Variants in EFCAB6 observed in about 807,000 individuals in gnomAD.
EFCAB6 encodes the protein EF-hand calcium binding domain 6.
In EFCAB6, 156 loss-of-function variants were observed where a neutral mutation model predicts 169.8. That is an observed-to-expected ratio of 0.92 (90% CI 0.81 to 1.05). The LOEUF (loss-of-function observed/expected upper bound fraction) is 1.05, where lower values mean the gene tolerates loss of function less well. Ranked by LOEUF, EFCAB6 falls within the 50% of genes least tolerant of loss-of-function variation. The pLI is 0.00. For missense variants in EFCAB6, 1,800 were observed against 1,829.1 expected (o/e 0.98, Z 0.29); for synonymous variants, 698 against 676.4 (o/e 1.03, Z -0.50).
intron 6 of EFCAB6, among the ~76,000 whole-genome samples, chr22:43,749,947 G>A (rs374878719): frequency 7.9e-5 from 12 of 152,222 alleles, no homozygotes; most frequent in African/African-American, 7.2e-5. Context: ...GGAAAGTCTC[G>A]AAAGAGGCAA....
chr22:43,671,954 T>G lies in EFCAB6; in HGVS notation c.1640+19A>C. ...GATGAAAAACACGACATGAATTAAT[T>G]TTGTTACAAAAAACTTACTTTATGA... On this transcript the variant is annotated intron_variant, in intron 15 of 31. Transcript: ENST00000262726. 1 of 1,609,922 alleles carries G rather than the reference T, an allele frequency of 6.2e-7. No individual in the cohort carries two copies. Among genetic ancestry groups the G allele is most frequent in the Non-Finnish European group, 8.5e-7 (1 of 1,178,638 alleles).
intron 10 of EFCAB6, among the ~76,000 whole-genome samples, chr22:43,693,767 G>T (rs544962833): frequency 1.1e-4 from 16 of 151,616 alleles, no homozygotes; most frequent in Non-Finnish European, 1.9e-4. Flanking sequence ...TTTTAAAAAA[G>T]AATAATGAAG....
At chr22:43,693,476 G>C (rs1360015766) in intron 10 of EFCAB6, among the ~76,000 whole-genome samples, 2 of 149,716 alleles carry the variant, frequency 1.3e-5, no homozygotes, top group Non-Finnish European at 3.0e-5. Context: ...TTAAGTAACT[G>C]TCATACTCAA....
In EFCAB6 at chr22:43,540,221, C is replaced by G. The variant is rs773947222; in HGVS notation, c.3785G>C (p.Ser1262Thr). ...GCCTTCCGAGACGTCAGGGACACTG[C>G]TCCCTCTCTGGGCCACGGCCGAGTC... ...TGDSAVAQRG[S>T]SVPDVSEGTR... The change falls in exon 28 of 32, where the codon AGC becomes ACC. Residue 1262 changes from serine (S) to threonine (T), a missense_variant. Physicochemically the swap from Ser to Thr is moderately conservative, Grantham distance 58. Coordinates refer to ENST00000262726, the MANE Select transcript of EFCAB6 (RefSeq NM_022785.4). The G allele has an allele frequency of 3.1e-6, 5 of 1,614,242 alleles. No homozygotes were observed. The East Asian group carries it at 1.1e-4, about 36-fold the overall frequency.
chr22:43,758,833 G>A (rs1042274931), intron 5 of EFCAB6, among the ~76,000 whole-genome samples: 8 of 152,132 alleles, frequency 5.3e-5, no homozygotes, highest in Non-Finnish European at 1.2e-4. Flanking sequence ...TACTTTTTAT[G>A]TCTATAATAT....
chr22:43,580,523 G>C lies in EFCAB6; in HGVS notation c.3169C>G (p.Gln1057Glu). Residue 1057 changes from glutamine (Q) to glutamate (E), a missense_variant, in exon 25 of 32, where the codon CAG (glutamine) becomes GAG (glutamate). Gln to Glu is a conservative substitution (Grantham distance 29, BLOSUM62 2). Transcript: ENST00000262726. ...TCCTGGATCTTCCTCACAGCCTCCT[G>C]TGGATTCAGCGTTGCAAAATTGATT... ...MPINFATLNP[Q>E]EAVRKIQEVV... The C allele has an allele frequency of 6.2e-7, 1 of 1,614,142 alleles. No homozygotes were observed. The highest frequency in any genetic ancestry group is 1.1e-5 in the South Asian group (1 of 91,078).
Position 43,671,938 on chromosome 22 carries a change from CACG to C in EFCAB6, c.1640+32_1640+34del, listed in dbSNP as rs771137261. Reference sequence around the variant, plus strand: ...ATTATGGAACAGGCCTGATGAAAAACACGACATGAATTAATTTTGTTACAAAAA... The same window carrying C: ...ATTATGGAACAGGCCTGATGAAAAACACATGAATTAATTTTGTTACAAAAA... On this transcript the variant is annotated intron_variant, in intron 15 of 31. Transcript: ENST00000262726. 3.7e-6 allele frequency: 6 copies of C among 1,607,076 alleles called. No homozygotes were observed. In the African/African-American group the frequency reaches 8.0e-5, roughly 22 times the overall value.
At chr22:43,634,812 T>A (rs1187728915) in intron 18 of EFCAB6, among the ~76,000 whole-genome samples, 2 of 152,188 alleles carry the variant, frequency 1.3e-5, no homozygotes, top group Non-Finnish European at 2.9e-5. Flanking sequence ...GGGAAAATCT[T>A]AAAGGCCGTG....
chr22:43,784,543 G>GTATATATACACA (rs767229476), intron 2 of EFCAB6, among the ~76,000 whole-genome samples: 1 of 75,484 alleles, frequency 1.3e-5, no homozygotes, highest in Admixed American at 1.7e-4. Context: ...GTGTGTGTGT[G>GTATATATACACA]TATATGTATA....
At chr22:43,659,467 T>C (rs532355635) in intron 17 of EFCAB6, among the ~76,000 whole-genome samples, 2 of 152,280 alleles carry the variant, frequency 1.3e-5, no homozygotes, top group South Asian at 4.2e-4. Context: ...GTGACCAGCC[T>C]GGGCAATATA....
At chr22:43,635,956 G>A (rs2055359820) in intron 17 of EFCAB6, among the ~76,000 whole-genome samples, 1 of 152,218 alleles carries the variant, frequency 6.6e-6, no homozygotes, top group African/African-American at 2.4e-5. Context: ...GTGGATGTGA[G>A]CCACCCACAG....
intron 20 of EFCAB6, among the ~76,000 whole-genome samples, chr22:43,616,933 G>A (rs991119064): frequency 3.9e-5 from 6 of 152,108 alleles, no homozygotes; most frequent in South Asian, 2.1e-4. Context: ...CCTGACTCCC[G>A]CTGCCCTTGA....
At chr22:43,598,310 GGAAAAAAAAA>G (rs1446648471) in intron 23 of EFCAB6, among the ~76,000 whole-genome samples, 4 of 57,664 alleles carry the variant, frequency 6.9e-5, no homozygotes, top group African/African-American at 1.1e-4. Flanking sequence ...ACTGTCTCCG[GGAAAAAAAAA>G]AAAAAAAAAA....
intron 20 of EFCAB6, among the ~76,000 whole-genome samples, chr22:43,623,987 C>T (rs1024736807): frequency 5.3e-5 from 8 of 151,796 alleles, no homozygotes; most frequent in African/African-American, 1.9e-4. Flanking sequence ...GGAGGTGGAA[C>T]AGGGCAGGCT....
intron 6 of EFCAB6, among the ~76,000 whole-genome samples, chr22:43,750,753 A>C (rs1469990452): frequency 6.6e-6 from 1 of 152,216 alleles, no homozygotes; most frequent in African/African-American, 2.4e-5. Flanking sequence ...CTGATTCTTT[A>C]TCCCTTGAAT....
At chr22:43,617,471 G>C (rs2053772195) in intron 20 of EFCAB6, among the ~76,000 whole-genome samples, 2 of 152,200 alleles carry the variant, frequency 1.3e-5, no homozygotes, top group African/African-American at 4.8e-5. Context: ...TATAAGGCTT[G>C]ATTATTTCCT....
chr22:43,713,958 T>C (rs1603266305), intron 9 of EFCAB6, among the ~76,000 whole-genome samples: 1 of 151,974 alleles, frequency 6.6e-6, no homozygotes, highest in East Asian at 1.9e-4. Flanking sequence ...AGACAGAATA[T>C]AAAAGAATAT....
intron 4 of EFCAB6, among the ~76,000 whole-genome samples, chr22:43,765,683 T>C (rs908366139): frequency 6.6e-6 from 1 of 152,142 alleles, no homozygotes; most frequent in Non-Finnish European, 1.5e-5. Context: ...AGCATAAATA[T>C]ACTCTATATA....
At chr22:43,729,436 T>C (rs997084526) in intron 8 of EFCAB6, among the ~76,000 whole-genome samples, 1 of 152,030 alleles carries the variant, frequency 6.6e-6, no homozygotes, top group Non-Finnish European at 1.5e-5. Flanking sequence ...AAGAGACAAA[T>C]ATCCAAACCA....
Sources: gnomAD v4.1 joint callset for allele counts (sites outside exome capture counted in the v4.1 genomes callset) on GRCh38, gnomAD v4.1.1 for gene constraint, MANE v1.5 for transcripts, NCBI Gene and HGNC (gene_info 2026-07-23, HGNC 2026-07-21) for gene names.